Variants in BBS1 observed in about 807,000 individuals in gnomAD.
The protein encoded by BBS1 is Bardet-Biedl syndrome 1, also known as BBSome complex member BBS1.
In BBS1, 60 loss-of-function variants were observed where a neutral mutation model predicts 73.9. The ratio of observed to expected loss-of-function variants is 0.81; its 90% CI spans 0.66 to 1.01. The LOEUF (loss-of-function observed/expected upper bound fraction) is 1.01. BBS1 is among the 50% of genes least tolerant of loss of function. The pLI is 0.00. For missense variants in BBS1, 718 were observed against 770.3 expected (o/e 0.93, Z 0.80); for synonymous variants, 283 against 317.4 (o/e 0.89, Z 1.15).
chr11:66,523,668 C>T, intron 10 of BBS1, 56 bp from the exon 11 acceptor site: 24 of 1,610,444 alleles, frequency 1.5e-5, no homozygotes, highest in Non-Finnish European at 1.8e-5. Flanking sequence ...CCCCAGAAAC[C>T]GTTCTTTCCA....
chr11:66,510,958 T>A, intron 1 of BBS1, 55 bp from the exon 2 acceptor site: 1 of 1,592,806 alleles, frequency 6.3e-7, no homozygotes, highest in Non-Finnish European at 8.6e-7. Flanking sequence ...TCCTCAAAGT[T>A]TTTTTTTCCC....
At position 66,511,246 on chromosome 11, in the gene BBS1, A is replaced by G; in HGVS notation, c.159+7A>G. ...TGGGGATGGGGAATACAAGGTAAGC[A>G]TATCACCCTAGCCAGGAGAGTTGAG... On this transcript the variant is annotated splice_region_variant and intron_variant, in intron 3 of 16. Transcript: ENST00000318312. The G allele has an allele frequency of 1.2e-6, 2 of 1,614,146 alleles. No homozygotes were observed. Among genetic ancestry groups the G allele is most frequent in the Non-Finnish European group, 1.7e-6 (2 of 1,180,028 alleles).
At chr11:66,531,189 T>G (rs1189223676) in intron 15 of BBS1, among the ~76,000 whole-genome samples, 161 bp downstream of exon 15, 1 of 152,084 alleles carries the variant, frequency 6.6e-6, no homozygotes, top group Non-Finnish European at 1.5e-5. Context: ...AAGGCCCCAG[T>G]AGGGGCCTCT....
intron 4 of BBS1, among the ~76,000 whole-genome samples, 179 bp downstream of exon 4, chr11:66,514,857 C>T (rs1259110992): frequency 6.6e-6 from 1 of 151,762 alleles, no homozygotes; most frequent in African/African-American, 2.4e-5. Flanking sequence ...CTCTTGTTGC[C>T]CAGACTGGAG....
intron 9 of BBS1, 149 bp from the exon 10 acceptor site, chr11:66,523,307 G>A: frequency 3.7e-6 from 4 of 1,076,476 alleles, no homozygotes; most frequent in Non-Finnish European, 4.3e-6. Flanking sequence ...CATTTACTAA[G>A]GTGGCAGAAG....
chr11:66,511,149 C>T (rs554294689), intron 2 of BBS1, 56 bp from the exon 3 acceptor site: 3 of 1,613,878 alleles, frequency 1.9e-6, no homozygotes, highest in Admixed American at 1.7e-5. Flanking sequence ...GACAATGGTC[C>T]TGTAGTGAAG....
In BBS1 at chr11:66,526,637, C is replaced by T; in HGVS notation, c.1181-12C>T. 6.2e-7 allele frequency: 1 copy of T among 1,614,202 alleles called. No individual in the cohort carries two copies. The highest frequency in any genetic ancestry group is 8.5e-7 in the Non-Finnish European group (1 of 1,180,038). ...GGGAGGACAAATCCATTTCCACTGT[C>T]CACTTCCCTAGGTGGTGGCCTGATC... is the stretch of plus-strand genomic sequence containing the variant. On this transcript the variant is annotated splice_polypyrimidine_tract_variant and intron_variant, in intron 12 of 16. Coordinates refer to ENST00000318312, the MANE Select transcript of BBS1 (RefSeq NM_024649.5).
chr11:66,515,892 G>T lies in BBS1; in HGVS notation c.550G>T (p.Ala184Ser). The change falls in exon 7 of 17, where the codon GCA (alanine) becomes TCA (serine). Residue 184 changes from alanine to serine, a missense_variant. Ala to Ser is a moderately conservative substitution (Grantham distance 99, BLOSUM62 1). Transcript: ENST00000318312. ...FLQLELSEME[A>S]FVNQHKSNSI... ...GCAGCTGGAGCTAAGTGAAATGGAG[G>T]CATTTGTAAACCAACACAAGTCCAA... 1 of 1,614,188 alleles carries T rather than the reference G, an allele frequency of 6.2e-7. No individual in the cohort carries two copies.
In BBS1 at chr11:66,521,279, C is replaced by T; in HGVS notation, c.733C>T (p.Pro245Ser). ...CGCTTCTTGTTTGCAGATGAGCCTT[C>T]CCAGCGTCCCCGTCTTCCTAGAGGT... ...AFTILAKMSLPSVPVFLEVSG... is the reference protein window; with the variant it reads ...AFTILAKMSLSSVPVFLEVSG... The change falls in exon 9 of 17, where the codon CCC (proline) becomes TCC (serine). Residue 245 changes from proline to serine, a missense_variant. By Grantham distance (74) the Pro-to-Ser change is moderately conservative (BLOSUM62 -1). Coordinates refer to ENST00000318312, the MANE Select transcript of BBS1 (RefSeq NM_024649.5). The T allele has an allele frequency of 6.2e-7, 1 of 1,614,036 alleles. No individual in the cohort carries two copies.
Position 66,514,562 on chromosome 11 carries a change from C to G in BBS1, c.316C>G (p.Leu106Val), listed in dbSNP as rs137853913. The change falls in exon 4 of 17, where the codon CTT becomes GTT. Residue 106 changes from leucine (L) to valine (V), a missense_variant. By Grantham distance (32) the Leu-to-Val change is conservative. Coordinates refer to ENST00000318312, the MANE Select transcript of BBS1 (RefSeq NM_024649.5). ...QHEPRTPALA[L>V]ASGPCVYVYK... is the part of the protein sequence containing the mutation. Reference sequence around the variant, plus strand: ...TGAGCCCCGGACCCCAGCTCTGGCACTTGCTTCAGGCCCTTGTGTCTATGT... The same window carrying G: ...TGAGCCCCGGACCCCAGCTCTGGCAGTTGCTTCAGGCCCTTGTGTCTATGT... 1.9e-4 allele frequency: 303 copies of G among 1,614,080 alleles called. 1 individual carries two copies. The highest frequency in any genetic ancestry group is 2.3e-4 in the Non-Finnish European group (275 of 1,180,050).
chr11:66,523,479 G>T lies in BBS1; in HGVS notation c.854G>T (p.Cys285Phe), dbSNP rs529212299. ...LRRDSKHPKY[C>F]IELSAQPVGL... ...AGAGACTCCAAGCACCCCAAGTACT[G>T]CATCGAGCTGAGCGCCCAGCCTGTG... Residue 285 changes from cysteine (C) to phenylalanine (F), a missense_variant, in exon 10 of 17, where the codon TGC (cysteine) becomes TTC (phenylalanine). Physicochemically the swap from Cys to Phe is radical, Grantham distance 205 (BLOSUM62 -2). Transcript: ENST00000318312. 1.2e-6 allele frequency: 2 copies of T among 1,614,126 alleles called. No homozygotes were observed. The highest frequency in any genetic ancestry group is 2.2e-5 in the South Asian group (2 of 91,076).
In BBS1 at chr11:66,531,152, A is replaced by C. The variant is rs2305533; in HGVS notation, c.1608+124A>C. Reference sequence around the variant, plus strand: ...CGGGTGGCTGCCAGGTGGCCAGCAGACCTACTCTCCCACCACAGACCAGGC... The same window carrying C: ...CGGGTGGCTGCCAGGTGGCCAGCAGCCCTACTCTCCCACCACAGACCAGGC... On this transcript the variant is annotated intron_variant, in intron 15 of 16. Coordinates refer to ENST00000318312, the MANE Select transcript of BBS1 (RefSeq NM_024649.5). 316,924 of 1,352,476 alleles carry C rather than the reference A, an allele frequency of 0.23. 38,896 individuals carry two copies. The highest frequency in any genetic ancestry group is 0.26 in the East Asian group (10,446 of 40,010). 83.8% of individuals were successfully genotyped at this position (1,352,476 alleles called of 1,614,324 possible). A position where few individuals can be genotyped will look rare whatever the true frequency, so the allele number is the denominator to read the frequency against.
At chr11:66,514,201 T>A (rs2134770853) in intron 3 of BBS1, among the ~76,000 whole-genome samples, 1 of 152,318 alleles carries the variant, frequency 6.6e-6, no homozygotes, top group South Asian at 2.1e-4. Flanking sequence ...CCACATACCA[T>A]GAAAGTATCA....
At chr11:66,519,841 C>G in intron 8 of BBS1, 93 bp downstream of exon 8, 3 of 1,515,354 alleles carry the variant, frequency 2.0e-6, no homozygotes, top group Non-Finnish European at 2.7e-6. Context: ...ATATATGTTC[C>G]TTGTAGAAAA....
At position 66,526,792 on chromosome 11, in the gene BBS1, C is replaced by T. The variant is rs1370913745; in HGVS notation, c.1324C>T (p.Arg442Trp). Residue 442 changes from arginine (R) to tryptophan (W), a missense_variant, in exon 13 of 17, where the codon CGG (arginine) becomes TGG (tryptophan). Coordinates refer to ENST00000318312, the MANE Select transcript of BBS1 (RefSeq NM_024649.5). ...TTACGTGGATCAGACACTGCGAGAGCGGGAGGCTGGCACCGGTGAGCCTCA... is the reference window on the plus strand; with the variant it reads ...TTACGTGGATCAGACACTGCGAGAGTGGGAGGCTGGCACCGGTGAGCCTCA... ...RLYVDQTLRE[R>W]EAGTAMHRAF... The T allele has an allele frequency of 1.2e-5, 19 of 1,614,082 alleles. No homozygotes were observed. The highest frequency in any genetic ancestry group is 5.5e-5 in the South Asian group (5 of 91,084).
intron 11 of BBS1, among the ~76,000 whole-genome samples, chr11:66,525,277 T>A (rs1290138013): frequency 2.0e-5 from 3 of 151,454 alleles, no homozygotes; most frequent in Non-Finnish European, 4.4e-5. Flanking sequence ...AAGAATCACT[T>A]GAACCTGGGA....
At chr11:66,522,572 G>A (rs1043272137) in intron 9 of BBS1, among the ~76,000 whole-genome samples, 10 of 151,896 alleles carry the variant, frequency 6.6e-5, no homozygotes, top group Admixed American at 2.0e-4. Flanking sequence ...GGTCTCGAAC[G>A]CCTGACCTTG....
chr11:66,511,441 C>T (rs1250838580), intron 3 of BBS1, among the ~76,000 whole-genome samples: 1 of 152,110 alleles, frequency 6.6e-6, no homozygotes, highest in Non-Finnish European at 1.5e-5. Context: ...GAAAGTAAAG[C>T]AGATCAAATA....
intron 7 of BBS1, among the ~76,000 whole-genome samples, chr11:66,519,329 C>T (rs1856128012): frequency 6.6e-6 from 1 of 152,114 alleles, no homozygotes; most frequent in Admixed American, 6.6e-5. Context: ...CGAGATTGTA[C>T]CACTGCACTC....
Sources: gnomAD v4.1 joint callset for allele counts (sites outside exome capture counted in the v4.1 genomes callset) on GRCh38, gnomAD v4.1.1 for gene constraint, MANE v1.5 for transcripts, NCBI Gene and HGNC (gene_info 2026-07-23, HGNC 2026-07-21) for gene names.